The following RANBP2 variants were observed in gnomAD, a reference collection of about 807,000 sequenced individuals.
The protein encoded by RANBP2 is E3 SUMO-protein ligase RanBP2.
Under a neutral mutation model 303.6 loss-of-function variants are expected in RANBP2, and 57 were observed. The observed-to-expected ratio is 0.19, with a 90% CI of 0.15 to 0.23. RANBP2 has a LOEUF of 0.23. RANBP2 is among the 10% of genes least tolerant of loss of function. The pLI, the probability that RANBP2 is intolerant of heterozygous loss-of-function variation, is 1.00. For synonymous variants in RANBP2, 1,167 were observed against 1,301.5 expected (o/e 0.90, Z 2.23); for missense variants, 3,138 against 3,780.8 (o/e 0.83, Z 4.46).
At chr2:109,001,981 C>T in the RANBP2 span, among the ~76,000 whole-genome samples, 41,013 of 152,016 alleles carry the variant, frequency 0.27, 7,590 homozygotes, top group East Asian at 0.84. Context: ...CCGCCCGCCT[C>T]GGCCTCCCAA....
the RANBP2 span, among the ~76,000 whole-genome samples, chr2:109,776,111 AG>A: frequency 6.9e-6 from 1 of 144,304 alleles, no homozygotes; most frequent in Non-Finnish European, 1.5e-5. Context: ...GGAACTTATC[AG>A]GAGCCCCCAG....
chr2:108,923,709 T>TCTC, the RANBP2 span, among the ~76,000 whole-genome samples: 1 of 152,356 alleles, frequency 6.6e-6, no homozygotes, highest in East Asian at 1.9e-4. Flanking sequence ...CTGGTTCCTC[T>TCTC]CTCTGGTGGC....
the RANBP2 span, among the ~76,000 whole-genome samples, chr2:109,187,894 G>T: frequency 6.6e-6 from 1 of 152,192 alleles, no homozygotes; most frequent in African/African-American, 2.4e-5. Flanking sequence ...CACCGTGGGT[G>T]TTAAGCCTGC....
chr2:109,760,438 C>CG, the RANBP2 span: 3 of 948,908 alleles, frequency 3.2e-6, 1 homozygote, highest in African/African-American at 5.8e-5. Flanking sequence ...GGCGCAGGGC[C>CG]GGGGGCGGCG....
At chr2:109,063,253 C>T in the RANBP2 span, among the ~76,000 whole-genome samples, 5 of 152,172 alleles carry the variant, frequency 3.3e-5, no homozygotes, top group Non-Finnish European at 7.4e-5. Context: ...GCTGGAGAGC[C>T]ACCCACTCCT....
chr2:109,707,367 C>A, the RANBP2 span, among the ~76,000 whole-genome samples: 1 of 152,180 alleles, frequency 6.6e-6, no homozygotes, highest in Admixed American at 6.5e-5. Context: ...TTTGACATAG[C>A]ACCATTGCTT....
the RANBP2 span, chr2:109,432,709 G>T: frequency 2.5e-6 from 4 of 1,589,536 alleles, no homozygotes; most frequent in East Asian, 2.2e-5. Context: ...CAAGGAGAGG[G>T]CAAGGGCCTG....
chr2:109,366,779 GA>G, the RANBP2 span, among the ~76,000 whole-genome samples: 2 of 152,194 alleles, frequency 1.3e-5, no homozygotes, highest in African/African-American at 4.8e-5. Flanking sequence ...CTTGCGCCTG[GA>G]AAGTCAAAGC....
In RANBP2 at chr2:108,748,989, A is replaced by G. The variant is rs370375563; in HGVS notation, c.1133A>G (p.Asn378Ser). The G allele has an allele frequency of 3.7e-6, 6 of 1,611,926 alleles. No homozygotes were observed. Among genetic ancestry groups the G allele is most frequent in the Middle Eastern group, 2.2e-4 (1 of 4,452 alleles). Residue 378 changes from asparagine (N) to serine (S), a missense_variant, in exon 9 of 29, where the codon AAC becomes AGC. Coordinates refer to ENST00000283195, the MANE Select transcript of RANBP2 (RefSeq NM_006267.5). The part of the protein sequence containing the change: ...FLKEIVETFA[N>S]KSGQSALYDA... ...AAAGAGATTGTTGAAACTTTTGCCA[A>G]CAAAAGCGGGCAGTCTGCATTATAT...
the RANBP2 span, among the ~76,000 whole-genome samples, chr2:109,250,550 C>A: frequency 1.3e-5 from 2 of 151,682 alleles, no homozygotes; most frequent in African/African-American, 4.8e-5. Context: ...GACCGTTTTT[C>A]TTTTTCAAAA....
the RANBP2 span, chr2:109,605,658 T>C: frequency 6.6e-6 from 1 of 152,136 alleles, no homozygotes; most frequent in Non-Finnish European, 1.5e-5. Context: ...AAAGAAAATA[T>C]ATAGCAAAAT....
At chr2:109,179,224 C>T in the RANBP2 span, among the ~76,000 whole-genome samples, 284 of 152,264 alleles carry the variant, frequency 1.9e-3, no homozygotes, top group Non-Finnish European at 3.5e-3. Context: ...GGTTCTACTT[C>T]CTGTTCTGAC....
the RANBP2 span, among the ~76,000 whole-genome samples, chr2:109,208,909 A>C: frequency 2.0e-5 from 3 of 152,188 alleles, no homozygotes; most frequent in Non-Finnish European, 4.4e-5. Context: ...CAGTGTGGGC[A>C]TCTGGAGAAG....
At chr2:109,718,052 T>C in the RANBP2 span, among the ~76,000 whole-genome samples, 1 of 151,974 alleles carries the variant, frequency 6.6e-6, no homozygotes, top group Admixed American at 6.6e-5. Flanking sequence ...TTTAAAAAGA[T>C]CAAAAAAAGT....
At chr2:108,792,780 G>A in the RANBP2 span, among the ~76,000 whole-genome samples, 3 of 152,142 alleles carry the variant, frequency 2.0e-5, no homozygotes, top group East Asian at 1.9e-4. Flanking sequence ...ACCACTGAGC[G>A]TCGGCCAGGC....
chr2:109,422,587 C>T, the RANBP2 span, among the ~76,000 whole-genome samples: 2 of 136,292 alleles, frequency 1.5e-5, no homozygotes, highest in African/African-American at 5.4e-5. Context: ...CATTCCTGCA[C>T]CCCCTTTCCA....
chr2:109,628,500 T>TAATA, the RANBP2 span, among the ~76,000 whole-genome samples: 32,285 of 146,764 alleles, frequency 0.22, 4,580 homozygotes, highest in African/African-American at 0.37. Flanking sequence ...TCTCAAAAAA[T>TAATA]AATAAATAAA....
rs189437632 is a variant in RANBP2, at chr2:108,753,307, T to C, written c.1918-119T>C. The C allele has an allele frequency of 3.6e-4, 581 of 1,604,458 alleles. 3 individuals are homozygous for C. In the African/African-American group the frequency reaches 6.9e-3, roughly 19 times the overall value. On this transcript the variant is annotated intron_variant, in intron 13 of 28. Transcript: ENST00000283195. Reference sequence around the variant, plus strand: ...TTCACTAGCTCTCACACATAAGATATGACAGAGAAGAATAATGAGATGTTT... The same window carrying C: ...TTCACTAGCTCTCACACATAAGATACGACAGAGAAGAATAATGAGATGTTT...
At chr2:108,770,132 A>G (rs936019744) in intron 20 of RANBP2, among the ~76,000 whole-genome samples, 3 of 152,220 alleles carry the variant, frequency 2.0e-5, no homozygotes, top group Admixed American at 6.5e-5. Context: ...GAATGTGCCT[A>G]TATACTACTG....
Sources: allele counts gnomAD v4.1 joint callset (sites outside exome capture counted in the v4.1 genomes callset), GRCh38; gene constraint gnomAD v4.1.1; transcripts MANE v1.5; gene names NCBI Gene and HGNC (gene_info 2026-07-23, HGNC 2026-07-21).